Variants in SYNM observed in about 807,000 individuals in gnomAD.
The protein encoded by SYNM is synemin, also known as desmuslin.
In SYNM, 95 loss-of-function variants were observed where a neutral mutation model predicts 104.0. The observed-to-expected ratio is 0.91, with a 90% confidence interval of 0.77 to 1.08. The LOEUF (loss-of-function observed/expected upper bound fraction) is 1.08, where lower values mean the gene tolerates loss of function less well. Ranked by LOEUF, SYNM falls within the 50% of genes least tolerant of loss-of-function variation. The pLI is 0.00. For synonymous variants in SYNM, 918 were observed against 869.0 expected, an observed-to-expected ratio of 1.06 and a Z score of -0.99; for missense variants, 2,150 against 2,052.2, an observed-to-expected ratio of 1.05 and a Z score of -0.92.
chr15:99,133,143 G>A lies in SYNM; in HGVS notation c.*85G>A. On this transcript the variant is annotated 3_prime_UTR_variant, in exon 4 of 4. Coordinates refer to ENST00000336292, the MANE Select transcript of SYNM (RefSeq NM_145728.3). ...CTTAACTTATTTTAAGAGGCCGAGGGAGTCTATGAAAATCTCCCCTTTTTT... is the reference window on the plus strand; with the variant it reads ...CTTAACTTATTTTAAGAGGCCGAGGAAGTCTATGAAAATCTCCCCTTTTTT... 6.4e-7 allele frequency: 1 copy of A among 1,550,768 alleles called. No individual in the cohort carries two copies. Among genetic ancestry groups the A allele is most frequent in the Non-Finnish European group, 8.6e-7 (1 of 1,157,528 alleles).
At position 99,123,303 on chromosome 15, in the gene SYNM, G is replaced by GTTTT. The variant is rs10695953; in HGVS notation, c.936-3409_936-3406dup. 3.0e-4 allele frequency among the ~76,000 whole-genome samples: 44 copies of GTTTT among 145,972 alleles called. 1 individual carries two copies. Among genetic ancestry groups the GTTTT allele is most frequent in the East Asian group, 2.4e-3 (12 of 4,992 alleles). ...GATGTTTGTCTCTGTTGATTATCTG[G>GTTTT]TTTTTTTTTTTTTCAGTCTCTAGTA... On this transcript the variant is annotated intron_variant, in intron 2 of 3. Coordinates refer to ENST00000336292, the MANE Select transcript of SYNM (RefSeq NM_145728.3).
At chr15:99,128,284 G>A (rs78996612) in intron 3 of SYNM, among the ~76,000 whole-genome samples, 2,715 of 152,230 alleles carry the variant, frequency 0.018, 83 homozygotes, top group African/African-American at 0.062. Flanking sequence ...AATGTTGGCC[G>A]CTTGCCCGCT....
At chr15:99,127,875 A>G (rs2067461752) in intron 3 of SYNM, among the ~76,000 whole-genome samples, 1 of 152,146 alleles carries the variant, frequency 6.6e-6, no homozygotes, top group Non-Finnish European at 1.5e-5. Context: ...AGAAGGAAGA[A>G]AAGGGCCCAG....
At chr15:99,138,266 G>C, downstream of SYNM, 1 of 987,778 alleles carries the variant, frequency 1.0e-6, no homozygotes, top group South Asian at 1.7e-5. Context: ...GAGGAGAATT[G>C]TAGCACAGAG....
chr15:99,122,544 G>A (rs1024647013), intron 2 of SYNM, among the ~76,000 whole-genome samples: 1 of 152,164 alleles, frequency 6.6e-6, no homozygotes, highest in Non-Finnish European at 1.5e-5. Flanking sequence ...TCTTGTAGTT[G>A]TAAGAATAGA....
downstream of SYNM, chr15:99,138,223 T>C: frequency 6.7e-7 from 1 of 1,495,392 alleles, no homozygotes. Flanking sequence ...CCCAGACCCA[T>C]TTATGAGAAG....
chr15:99,125,599 A>C (rs1019205910), intron 2 of SYNM, among the ~76,000 whole-genome samples: 6 of 152,170 alleles, frequency 3.9e-5, no homozygotes, highest in Non-Finnish European at 7.4e-5. Context: ...ACCATGTTTC[A>C]ACAGATGGAA....
Position 99,105,564 on chromosome 15 carries a change from A to T in SYNM, c.365A>T (p.Glu122Val). 6 of 1,175,276 alleles carry T rather than the reference A, an allele frequency of 5.1e-6. No individual in the cohort carries two copies. The highest frequency in any genetic ancestry group is 6.3e-6 in the Non-Finnish European group (6 of 954,938). 72.8% of individuals were successfully genotyped at this position (1,175,276 alleles called of 1,614,324 possible). A position where few individuals can be genotyped will look rare whatever the true frequency, so the allele number is the denominator to read the frequency against. Reference sequence around the variant, plus strand: ...GGTGCGCAGCAGCGCGAGCTGCAGGAGGCGCTGGGCGCGCGCGCCGCCCTC... The same window carrying T: ...GGTGCGCAGCAGCGCGAGCTGCAGGTGGCGCTGGGCGCGCGCGCCGCCCTC... ...ELGAQQRELQEALGARAALEA... is the reference protein window; with the variant it reads ...ELGAQQRELQVALGARAALEA... Residue 122 changes from glutamate (E) to valine (V), a missense_variant, in exon 1 of 4, where the codon GAG (glutamate) becomes GTG (valine). Transcript: ENST00000336292.
chr15:99,121,694 A>G (rs2067402298), intron 2 of SYNM, among the ~76,000 whole-genome samples: 1 of 152,208 alleles, frequency 6.6e-6, no homozygotes, highest in African/African-American at 2.4e-5. Flanking sequence ...CAGCTTCCCC[A>G]TACACACACT....
rs186452135 is a variant in SYNM at position 99,114,879 on chromosome 15, G to A, written c.935+1164G>A. ...GGCAGCTATGAAGGAGCCAGGGTCT[G>A]TGACGCTTACAGTGGAAGGAATTTT... On this transcript the variant is annotated intron_variant, in intron 2 of 3. Transcript: ENST00000336292. 1.8e-4 allele frequency among the ~76,000 whole-genome samples: 28 copies of A among 152,282 alleles called. No homozygotes were observed. The East Asian group carries it at 5.2e-3, about 28-fold the overall frequency.
rs2067332083 is a variant in SYNM, at chr15:99,114,796, G to A, written c.935+1081G>A. Among the ~76,000 whole-genome samples the A allele has an allele frequency of 7.2e-5, 11 of 151,944 alleles. No individual in the cohort carries two copies. In the South Asian group the frequency reaches 2.3e-3, roughly 32 times the overall value. ...GGCATCACCCTCCTTTCCCCTGGGT[G>A]CCAGTGCGTCTTTGATTGAGGTGGT... On this transcript the variant is annotated intron_variant, in intron 2 of 3. Transcript: ENST00000336292.
chr15:99,131,703 C>T lies in SYNM; in HGVS notation c.3343C>T (p.Gln1115Ter), dbSNP rs1596137412. 1 of 1,613,592 alleles carries T rather than the reference C, an allele frequency of 6.2e-7. No homozygotes were observed. The highest frequency in any genetic ancestry group is 8.5e-7 in the Non-Finnish European group (1 of 1,179,866). Reference protein sequence around the residue: ...VSSPTGFAQSQVLEDVSQAAR... With the variant: ...VSSPTGFAQS ...CAGCCCCACAGGCTTTGCCCAGTCA[C>T]AGGTGCTGGAGGATGTGAGCCAGGC... Residue 1115 changes from glutamine (Q) to a stop codon, truncating the protein, a stop_gained, in exon 4 of 4, where the codon CAG becomes TAG. Transcript: ENST00000336292. LOFTEE classifies it high-confidence loss of function. The surrounding 1 kb of genome is among the most constrained non-coding windows in gnomAD (Gnocchi z 4.3).
At chr15:99,123,578 C>A (rs2067421095) in intron 2 of SYNM, among the ~76,000 whole-genome samples, 1 of 152,228 alleles carries the variant, frequency 6.6e-6, no homozygotes, top group African/African-American at 2.4e-5. Flanking sequence ...GCAGTGCGTC[C>A]ACTCTGTGTG....
chr15:99,122,787 T>G (rs1157353403), intron 2 of SYNM, among the ~76,000 whole-genome samples: 1 of 152,178 alleles, frequency 6.6e-6, no homozygotes, highest in Admixed American at 6.5e-5. Flanking sequence ...TGCCGTGAGC[T>G]GAGATGGCAC....
At position 99,130,344 on chromosome 15, in the gene SYNM, T is replaced by G; in HGVS notation, c.1984T>G (p.Ser662Ala). Reference protein sequence around the residue: ...QSPETEASADSFPDTKVTYVD... With the variant: ...QSPETEASADAFPDTKVTYVD... ...TCCAGAGACAGAAGCATCTGCTGATTCTTTTCCAGACACAAAAGTCACTTA... is the reference window on the plus strand; with the variant it reads ...TCCAGAGACAGAAGCATCTGCTGATGCTTTTCCAGACACAAAAGTCACTTA... The change falls in exon 4 of 4, where the codon TCT becomes GCT. Residue 662 changes from serine to alanine, a missense_variant. Transcript: ENST00000336292. 6.2e-7 allele frequency: 1 copy of G among 1,613,808 alleles called. No individual in the cohort carries two copies. The highest frequency in any genetic ancestry group is 8.5e-7 in the Non-Finnish European group (1 of 1,179,806).
chr15:99,123,324 T>C (rs1232964694), intron 2 of SYNM, among the ~76,000 whole-genome samples: 1 of 150,284 alleles, frequency 6.7e-6, no homozygotes, highest in Middle Eastern at 3.2e-3. Flanking sequence ...TTTCAGTCTC[T>C]AGTATTGACC....
chr15:99,111,708 T>A (rs1001260018), intron 1 of SYNM, among the ~76,000 whole-genome samples: 9 of 152,278 alleles, frequency 5.9e-5, no homozygotes, highest in African/African-American at 1.9e-4. Context: ...AGAACTGTTA[T>A]GAGAAGTGGG....
chr15:99,130,238 T>TG lies in SYNM; in HGVS notation c.1880dup (p.Ser628PhefsTer34), dbSNP rs1555485552. ...TCAGGTTGGGCACCAGTGATGCCACTGGTTCTCTGCAAGGCGATTCCATGA... is the reference window on the plus strand; with the variant it reads ...TCAGGTTGGGCACCAGTGATGCCACTGGGTTCTCTGCAAGGCGATTCCATGA... On this transcript the variant is annotated frameshift_variant, in exon 4 of 4. Transcript: ENST00000336292. LOFTEE classifies it high-confidence loss of function. 2.5e-6 allele frequency: 4 copies of TG among 1,614,000 alleles called. No individual in the cohort carries two copies. Among genetic ancestry groups the TG allele is most frequent in the African/African-American group, 1.3e-5 (1 of 75,048 alleles).
At chr15:99,139,785 A>C (rs975656510), downstream of SYNM, 9 of 1,274,944 alleles carry the variant, frequency 7.1e-6, no homozygotes, top group Non-Finnish European at 8.3e-6. Context: ...TTTTTTGTAA[A>C]CACATACTCT....
Sources: gnomAD v4.1 joint callset for allele counts (sites outside exome capture counted in the v4.1 genomes callset) on GRCh38, gnomAD v4.1.1 for gene constraint, Gnocchi (gnomAD v3.1) non-coding constraint, MANE v1.5 for transcripts, NCBI Gene and HGNC (gene_info 2026-07-23, HGNC 2026-07-21) for gene names.